The following NCAM1 variants were observed in gnomAD, a reference collection of about 807,000 sequenced individuals.
NCAM1 encodes antigen recognized by monoclonal antibody 5.1H11.
NCAM1 carries 14 observed loss-of-function variants against 109.8 expected under a neutral mutation model. The ratio of observed to expected loss-of-function variants is 0.13; its 90% CI spans 0.08 to 0.20. The LOEUF is 0.20. NCAM1 is among the 10% of genes least tolerant of loss of function. NCAM1 has a pLI of 1.00. For missense variants in NCAM1, 774 were observed against 1,109.9 expected (o/e 0.70, Z 4.30); for synonymous variants, 418 against 442.9 (o/e 0.94, Z 0.70).
chr11:113,074,164 C>T (rs544443981), intron 1 of NCAM1, among the ~76,000 whole-genome samples: 8 of 152,268 alleles, frequency 5.3e-5, no homozygotes, highest in South Asian at 2.1e-4. Context: ...CTTTGAGCTT[C>T]GCAGTATAAA....
At chr11:112,970,419 A>G (rs1229728977) in intron 1 of NCAM1, among the ~76,000 whole-genome samples, 8 of 152,292 alleles carry the variant, frequency 5.3e-5, no homozygotes, top group African/African-American at 1.7e-4. Context: ...TGTATGAAAC[A>G]TCAACTAGAT....
At chr11:113,041,708 T>A (rs3802849) in intron 1 of NCAM1, among the ~76,000 whole-genome samples, 38,989 of 152,002 alleles carry the variant, frequency 0.26, 5,288 homozygotes, top group South Asian at 0.46. Context: ...AGATTTGTTC[T>A]CCACCATTTA....
chr11:112,965,126 A>C (rs1457806036), intron 1 of NCAM1, among the ~76,000 whole-genome samples: 2 of 152,040 alleles, frequency 1.3e-5, no homozygotes, highest in East Asian at 3.8e-4. Flanking sequence ...ATTCTTGTTT[A>C]GTAAAGGAGT....
At chr11:113,007,101 G>A (rs1591239287) in intron 1 of NCAM1, among the ~76,000 whole-genome samples, 1 of 152,178 alleles carries the variant, frequency 6.6e-6, no homozygotes, top group East Asian at 1.9e-4. Context: ...CATTAATCGG[G>A]GCAACTTTCC....
At chr11:113,265,281 G>T (rs1408875189) in intron 17 of NCAM1, 3 of 456,656 alleles carry the variant, frequency 6.6e-6, no homozygotes, top group Non-Finnish European at 8.6e-6. Context: ...CATGTACCTG[G>T]ATAGACTATT....
At position 113,273,167 on chromosome 11, in the gene NCAM1, C is replaced by T. The variant is rs550778855; in HGVS notation, c.2456+1291C>T. ...AGGGGCCCAGCGCCTCTGCCCCCTC[C>T]CCGGCCCCAGCTTCAGCCCCCAAGG... is the stretch of plus-strand genomic sequence containing the variant. On this transcript the variant is annotated intron_variant, in intron 19 of 19. Transcript: ENST00000316851. The surrounding 1 kb of genome is among the most constrained non-coding windows in gnomAD (Gnocchi z 6.0). 1.2e-4 allele frequency: 50 copies of T among 410,330 alleles called. No individual in the cohort carries two copies. Among genetic ancestry groups the T allele is most frequent in the African/African-American group, 9.6e-4 (47 of 49,078 alleles). The allele number at this position is 410,330 out of a possible 1,614,324, so 25.4% of individuals were successfully genotyped here. A position where few individuals can be genotyped will look rare whatever the true frequency, so the allele number is the denominator to read the frequency against.
intron 1 of NCAM1, among the ~76,000 whole-genome samples, chr11:113,068,787 G>C (rs1003273122): frequency 1.3e-5 from 2 of 152,112 alleles, no homozygotes; most frequent in African/African-American, 4.8e-5. Context: ...TTTGGTCCTA[G>C]AGGTGCGGTT....
intron 14 of NCAM1, among the ~76,000 whole-genome samples, chr11:113,237,953 T>G (rs4612843): frequency 0.42 from 38,430 of 90,574 alleles, 6,079 homozygotes; most frequent in Non-Finnish European, 0.48. Flanking sequence ...TATATAGATA[T>G]ATAGATAGAT....
At chr11:113,029,104 T>G (rs782779885) in intron 1 of NCAM1, among the ~76,000 whole-genome samples, 4 of 152,152 alleles carry the variant, frequency 2.6e-5, no homozygotes, top group Non-Finnish European at 4.4e-5. Flanking sequence ...GAATAAAACT[T>G]GGGCAGTAAT....
At position 113,258,846 on chromosome 11, in the gene NCAM1, T is replaced by G. The variant is rs563481223; in HGVS notation, c.1954-1300T>G. On this transcript the variant is annotated intron_variant, in intron 16 of 19. Transcript: ENST00000316851. ...CAAAAAAAAGGAAAGATCATAGTTT[T>G]GGGCCCAAACGAACTTAGCTCCAGC... 1.5e-3 allele frequency among the ~76,000 whole-genome samples: 231 copies of G among 152,322 alleles called. 1 individual carries two copies. The highest frequency in any genetic ancestry group is 4.9e-3 in the African/African-American group (203 of 41,570).
chr11:113,258,110 G>A (rs1326890541), intron 16 of NCAM1, among the ~76,000 whole-genome samples: 1 of 152,224 alleles, frequency 6.6e-6, no homozygotes, highest in Non-Finnish European at 1.5e-5. Context: ...AGGTGACAGT[G>A]CTATTGTGTT....
intron 1 of NCAM1, among the ~76,000 whole-genome samples, chr11:113,092,177 C>T (rs1241716748): frequency 6.6e-6 from 1 of 152,118 alleles, no homozygotes; most frequent in African/African-American, 2.4e-5. Context: ...CACTTACTCT[C>T]TGCCAGACAG....
At chr11:112,980,703 A>G (rs1951131473) in intron 1 of NCAM1, among the ~76,000 whole-genome samples, 1 of 151,766 alleles carries the variant, frequency 6.6e-6, no homozygotes, top group Non-Finnish European at 1.5e-5. Flanking sequence ...ATTTTGGTGC[A>G]CCTGTCACTG....
intron 1 of NCAM1, among the ~76,000 whole-genome samples, chr11:113,119,321 G>T (rs1940847913): frequency 6.6e-6 from 1 of 152,204 alleles, no homozygotes; most frequent in African/African-American, 2.4e-5. Context: ...AATAGCCGAT[G>T]ATATCCATGG....
chr11:112,986,323 T>G (rs2134745698), intron 1 of NCAM1, among the ~76,000 whole-genome samples: 1 of 152,162 alleles, frequency 6.6e-6, no homozygotes, highest in Middle Eastern at 3.4e-3. Context: ...AGTATTTTTT[T>G]GAGGATTTTT....
intron 7 of NCAM1, 89 bp from the exon 8 acceptor site, chr11:113,214,280 C>T (rs574584111): frequency 7.1e-7 from 1 of 1,415,732 alleles, no homozygotes; most frequent in Non-Finnish European, 9.7e-7. Context: ...TAGCAGACAG[C>T]TAACCTTTGT....
In NCAM1 at chr11:113,233,398, G is replaced by T. The variant is rs1460307552; in HGVS notation, c.1693+81G>T. The T allele has an allele frequency of 7.0e-7, 1 of 1,429,960 alleles. No homozygotes were observed. The highest frequency in any genetic ancestry group is 9.5e-7 in the Non-Finnish European group (1 of 1,051,598). The allele number at this position is 1,429,960 out of a possible 1,614,324, so 88.6% of individuals were successfully genotyped here. On this transcript the variant is annotated intron_variant, in intron 13 of 19. Coordinates refer to ENST00000316851, the MANE Select transcript of NCAM1 (RefSeq NM_181351.5). This position sits in a 1 kb window ranked among gnomAD's most constrained non-coding sequence, Gnocchi z 4.5. ...TGTCCCCACCTGCCATCCTGGGCAT[G>T]TTCCTACAGAATCAGGAACTGCACC...
At chr11:113,041,849 T>G (rs1565400447) in intron 1 of NCAM1, among the ~76,000 whole-genome samples, 1 of 152,100 alleles carries the variant, frequency 6.6e-6, no homozygotes, top group Non-Finnish European at 1.5e-5. Flanking sequence ...ACTTTACCCC[T>G]TTACCTGTCC....
intron 1 of NCAM1, among the ~76,000 whole-genome samples, chr11:113,161,625 C>A (rs1368196416): frequency 6.6e-6 from 1 of 152,162 alleles, no homozygotes; most frequent in Non-Finnish European, 1.5e-5. Context: ...CATAAAATCC[C>A]CCTGCCTGTT....
Sources: allele counts gnomAD v4.1 joint callset (sites outside exome capture counted in the v4.1 genomes callset), GRCh38; gene constraint gnomAD v4.1.1; non-coding constraint Gnocchi (gnomAD v3.1); transcripts MANE v1.5; gene names NCBI Gene and HGNC (gene_info 2026-07-23, HGNC 2026-07-21).